STAC: variants seen among roughly 807,000 people sequenced by gnomAD.
STAC encodes the protein SH3 and cysteine rich domain.
STAC carries 43 observed loss-of-function variants against 48.8 expected under a neutral mutation model. The observed-to-expected ratio is 0.88, with a 90% confidence interval of 0.69 to 1.14. STAC has a LOEUF of 1.14. Ranked by LOEUF, STAC falls within the 50% of genes most tolerant of loss-of-function variation. The pLI is 0.00. For missense variants in STAC, 497 were observed against 504.0 expected, an observed-to-expected ratio of 0.99 and a Z score of 0.13; for synonymous variants, 193 against 179.5, an observed-to-expected ratio of 1.07 and a Z score of -0.60.
intron 1 of STAC, among the ~76,000 whole-genome samples, chr3:36,432,682 GAC>G (rs1279291093): frequency 3.3e-5 from 5 of 150,682 alleles, no homozygotes; most frequent in African/African-American, 1.2e-4. Flanking sequence ...CAGTCTGGGT[GAC>G]AGAGTGAGAC....
intron 1 of STAC, among the ~76,000 whole-genome samples, chr3:36,409,314 G>A (rs1700144330): frequency 6.6e-6 from 1 of 152,154 alleles, no homozygotes; most frequent in Non-Finnish European, 1.5e-5. Context: ...AATCAGTGGA[G>A]CAGAGTAGTC....
chr3:36,409,024 G>A (rs1013028106), intron 1 of STAC, among the ~76,000 whole-genome samples: 1 of 152,120 alleles, frequency 6.6e-6, no homozygotes, highest in Non-Finnish European at 1.5e-5. Flanking sequence ...TAATGATGAT[G>A]ATGATAATGA....
At chr3:36,442,179 C>T (rs1054532327) in intron 1 of STAC, among the ~76,000 whole-genome samples, 10 of 152,128 alleles carry the variant, frequency 6.6e-5, no homozygotes, top group African/African-American at 2.2e-4. Flanking sequence ...GAAACTAAAA[C>T]GATCACTTTC....
intron 1 of STAC, among the ~76,000 whole-genome samples, chr3:36,438,197 C>T (rs1696210771): frequency 6.6e-6 from 1 of 152,158 alleles, no homozygotes; most frequent in South Asian, 2.1e-4. Context: ...TCCCTAAGTG[C>T]TGGGATGACA....
rs77008630 is a variant in STAC at position 36,427,540 on chromosome 3, T to C, written c.112-15824T>C. On this transcript the variant is annotated intron_variant, in intron 1 of 10. Transcript: ENST00000273183. The stretch of plus-strand genomic sequence containing the variant: ...TGGAATTCTCTGGGAGATGCTGTGG[T>C]AAGCAGTTCATCTAGTAGTTAAGTC... 1.1e-3 allele frequency among the ~76,000 whole-genome samples: 170 copies of C among 152,314 alleles called. 3 individuals carry two copies. The East Asian group carries it at 0.025, about 23-fold the overall frequency.
chr3:36,479,254 G>T (rs935648766), intron 2 of STAC, among the ~76,000 whole-genome samples: 1 of 152,080 alleles, frequency 6.6e-6, no homozygotes, highest in Non-Finnish European at 1.5e-5. Flanking sequence ...ATTCTGGGTT[G>T]CAAATCTTTT....
At chr3:36,426,489 A>C (rs772701719) in intron 1 of STAC, among the ~76,000 whole-genome samples, 56 of 152,368 alleles carry the variant, frequency 3.7e-4, no homozygotes, top group Admixed American at 1.2e-3. Context: ...CAGTGGTTTG[A>C]AAATTAAAAG....
intron 6 of STAC, among the ~76,000 whole-genome samples, chr3:36,497,128 T>C (rs941998029): frequency 4.6e-5 from 7 of 152,364 alleles, no homozygotes; most frequent in African/African-American, 1.7e-4. Context: ...GCAGATATTT[T>C]CCTGGTTAAG....
At chr3:36,523,627 CT>C (rs1698857013) in intron 8 of STAC, among the ~76,000 whole-genome samples, 1 of 152,140 alleles carries the variant, frequency 6.6e-6, no homozygotes, top group Non-Finnish European at 1.5e-5. Flanking sequence ...CAGAGAAGGA[CT>C]TTTCTCAAAT....
chr3:36,424,024 C>T (rs571576195), intron 1 of STAC, among the ~76,000 whole-genome samples: 1 of 152,122 alleles, frequency 6.6e-6, no homozygotes, highest in Non-Finnish European at 1.5e-5. Flanking sequence ...ATCCTCTCCC[C>T]AAATGAGTGA....
At chr3:36,504,479 G>T (rs1341999202) in intron 7 of STAC, 22 bp downstream of exon 7, 5 of 1,611,682 alleles carry the variant, frequency 3.1e-6, no homozygotes, top group South Asian at 1.1e-5. Context: ...TGTCACAGAA[G>T]ACAAGTCAGA....
chr3:36,405,495 G>A (rs1015550568), intron 1 of STAC, among the ~76,000 whole-genome samples: 5 of 152,176 alleles, frequency 3.3e-5, no homozygotes, highest in African/African-American at 9.7e-5. Flanking sequence ...GGAAGGTGGA[G>A]AAGGATCTCC....
chr3:36,484,870 A>C, intron 3 of STAC, 107 bp from the exon 4 acceptor site: 1 of 738,580 alleles, frequency 1.4e-6, no homozygotes, highest in Non-Finnish European at 2.1e-6. Flanking sequence ...AATGGGAGAC[A>C]GGAGGGTGCT....
In STAC at chr3:36,398,300, AAAGAAAGAAAGAAAGAAAGC is replaced by A. The variant is rs1440817231; in HGVS notation, c.111+17566_111+17585del. On this transcript the variant is annotated intron_variant, in intron 1 of 10. Coordinates refer to ENST00000273183, the MANE Select transcript of STAC (RefSeq NM_003149.3). The stretch of plus-strand genomic sequence containing the variant: ...CATCTATGAAGGTATGTTAAAAAAG[AAAGAAAGAAAGAAAGAAAGC>A]AAGAAAGAAAGAAAGAAAGAAAGAA... 6.1e-3 allele frequency among the ~76,000 whole-genome samples: 638 copies of A among 104,828 alleles called. 13 individuals are homozygous for A. Among genetic ancestry groups the A allele is most frequent in the African/African-American group, 0.016 (397 of 25,298 alleles). 68.8% of individuals were successfully genotyped at this position (104,828 alleles called of 152,430 possible).
chr3:36,460,484 A>G (rs73067812), intron 2 of STAC, among the ~76,000 whole-genome samples: 20,665 of 152,146 alleles, frequency 0.14, 1,596 homozygotes, highest in African/African-American at 0.21. Context: ...ATCTAATTGA[A>G]CTTTCTGTAT....
At chr3:36,516,195 G>A (rs569031561) in intron 8 of STAC, among the ~76,000 whole-genome samples, 63 of 151,802 alleles carry the variant, frequency 4.2e-4, no homozygotes, top group African/African-American at 1.4e-3. Flanking sequence ...TGTTGGCCAG[G>A]CTGGTCTCAA....
At chr3:36,487,654 T>A (rs1249861004) in intron 5 of STAC, among the ~76,000 whole-genome samples, 2 of 152,202 alleles carry the variant, frequency 1.3e-5, no homozygotes, top group African/African-American at 4.8e-5. Context: ...TTTACCATTT[T>A]TAAAAAAATA....
intron 1 of STAC, among the ~76,000 whole-genome samples, chr3:36,428,585 CG>C (rs1176589195): frequency 6.6e-6 from 1 of 151,992 alleles, no homozygotes; most frequent in African/African-American, 2.4e-5. Flanking sequence ...GCACAGGGAT[CG>C]GGGAAGTCTC....
intron 5 of STAC, among the ~76,000 whole-genome samples, chr3:36,487,687 T>C (rs1697851430): frequency 6.6e-6 from 1 of 152,250 alleles, no homozygotes; most frequent in Non-Finnish European, 1.5e-5. Flanking sequence ...TCTTATCCCA[T>C]TTTATTAAGA....
Sources: allele counts gnomAD v4.1 joint callset (sites outside exome capture counted in the v4.1 genomes callset), GRCh38; gene constraint gnomAD v4.1.1; transcripts MANE v1.5; gene names NCBI Gene and HGNC (gene_info 2026-07-23, HGNC 2026-07-21).